The following ST18 variants were observed in gnomAD, a reference collection of about 807,000 sequenced individuals.
The protein encoded by ST18 is suppression of tumorigenicity 18 protein.
In ST18, 50 loss-of-function variants were observed where a neutral mutation model predicts 110.0. The ratio of observed to expected loss-of-function variants is 0.45; its 90% confidence interval spans 0.36 to 0.58. The LOEUF (loss-of-function observed/expected upper bound fraction) is 0.58, where lower values mean the gene tolerates loss of function less well. ST18 is among the 20% of genes least tolerant of loss of function. ST18 has a pLI of 0.00. For synonymous variants in ST18, 461 were observed against 452.4 expected, an observed-to-expected ratio of 1.02 and a Z score of -0.24; for missense variants, 1,306 against 1,280.1, an observed-to-expected ratio of 1.02 and a Z score of -0.31.
At chr8:52,155,371 TTA>T (rs1281188714) in intron 15 of ST18, among the ~76,000 whole-genome samples, 2 of 152,172 alleles carry the variant, frequency 1.3e-5, no homozygotes, top group Non-Finnish European at 2.9e-5. Flanking sequence ...TACAAATATG[TTA>T]TATATATGTT....
chr8:52,265,127 G>A (rs2094824665), intron 2 of ST18, among the ~76,000 whole-genome samples: 1 of 152,332 alleles, frequency 6.6e-6, no homozygotes, highest in Admixed American at 6.5e-5. Context: ...GATGATGTTT[G>A]TTACCTGAAA....
intron 15 of ST18, 132 bp from the exon 16 acceptor site, chr8:52,150,109 G>C (rs1322547596): frequency 7.9e-7 from 1 of 1,265,840 alleles, no homozygotes; most frequent in Non-Finnish European, 1.1e-6. Context: ...CTAGCTTTCT[G>C]ATTTGCGTTG....
chr8:52,178,669 CA>C (rs199826169), intron 9 of ST18, among the ~76,000 whole-genome samples: 5 of 48,016 alleles, frequency 1.0e-4, no homozygotes, highest in South Asian at 6.6e-4. Flanking sequence ...ATAAAACAAA[CA>C]AAAAAAACCC....
At chr8:52,180,075 C>T in intron 9 of ST18, 47 bp downstream of exon 9, 1 of 1,592,360 alleles carries the variant, frequency 6.3e-7, no homozygotes, top group Non-Finnish European at 8.6e-7. Context: ...AGCACAGAGT[C>T]CTTGGAGCCA....
chr8:52,251,935 G>A (rs1365806660), intron 2 of ST18, among the ~76,000 whole-genome samples: 1 of 151,948 alleles, frequency 6.6e-6, no homozygotes, highest in African/African-American at 2.4e-5. Context: ...AAACAATTAT[G>A]ATCTTTTGGA....
At chr8:52,160,234 A>G (rs1212972123) in intron 14 of ST18, among the ~76,000 whole-genome samples, 1 of 152,228 alleles carries the variant, frequency 6.6e-6, no homozygotes, top group Non-Finnish European at 1.5e-5. Context: ...GGATAGATAG[A>G]TATAAAACTG....
At chr8:52,291,879 A>C (rs894623711) in intron 2 of ST18, among the ~76,000 whole-genome samples, 8 of 151,994 alleles carry the variant, frequency 5.3e-5, no homozygotes, top group Non-Finnish European at 1.2e-4. Context: ...GGCTCAAGTG[A>C]TCCTCCCGCC....
intron 2 of ST18, among the ~76,000 whole-genome samples, chr8:52,321,165 C>T (rs1419223782): frequency 2.0e-5 from 3 of 152,090 alleles, no homozygotes; most frequent in African/African-American, 4.8e-5. Flanking sequence ...AAAATATAAA[C>T]ACCTGGACGG....
rs79865430 is a variant in ST18, at chr8:52,324,623, G to A, written c.-465+84705C>T. On this transcript the variant is annotated intron_variant, in intron 2 of 25. Coordinates refer to ENST00000689386, the MANE Select transcript of ST18 (RefSeq NM_001352837.2). The stretch of plus-strand genomic sequence containing the variant: ...CATTTCTGAGTGCTTACTCTATGCC[G>A]GGTAGCATACTATGTGCTTTACAGA... Among the ~76,000 whole-genome samples the A allele has an allele frequency of 2.9e-3, 444 of 152,250 alleles. 6 individuals carry two copies. Among genetic ancestry groups the A allele is most frequent in the Admixed American group, 0.019 (290 of 15,292 alleles).
At chr8:52,264,076 G>A (rs1304456373) in intron 2 of ST18, among the ~76,000 whole-genome samples, 1 of 151,920 alleles carries the variant, frequency 6.6e-6, no homozygotes, top group Non-Finnish European at 1.5e-5. Context: ...TGGGATTACA[G>A]GCGTGAGCCA....
At chr8:52,376,410 C>A (rs1393801943) in intron 2 of ST18, among the ~76,000 whole-genome samples, 7 of 152,174 alleles carry the variant, frequency 4.6e-5, no homozygotes, top group Non-Finnish European at 1.0e-4. Context: ...GGCTGCTCAG[C>A]TGATTCTCTG....
chr8:52,153,749 G>T (rs2059362498), intron 15 of ST18, among the ~76,000 whole-genome samples: 1 of 152,170 alleles, frequency 6.6e-6, no homozygotes, highest in Non-Finnish European at 1.5e-5. Flanking sequence ...AGTTAGACAG[G>T]CATGAGTTCA....
intron 2 of ST18, among the ~76,000 whole-genome samples, chr8:52,293,670 TTCTC>T (rs1237364523): frequency 2.0e-5 from 3 of 152,198 alleles, no homozygotes; most frequent in Non-Finnish European, 4.4e-5. Context: ...TGCTTTTATT[TTCTC>T]TCTTTTTTCT....
chr8:52,352,466 C>T (rs1483475030), intron 2 of ST18, among the ~76,000 whole-genome samples: 1 of 152,170 alleles, frequency 6.6e-6, no homozygotes, highest in Non-Finnish European at 1.5e-5. Context: ...AATCACAATC[C>T]TCATTTTCCC....
intron 23 of ST18, among the ~76,000 whole-genome samples, chr8:52,120,704 G>C (rs2044381351): frequency 6.6e-6 from 1 of 152,202 alleles, no homozygotes; most frequent in South Asian, 2.1e-4. Context: ...GTAGGTAGGA[G>C]AGCTGGGGTG....
At chr8:52,321,606 C>G (rs1026379951) in intron 2 of ST18, among the ~76,000 whole-genome samples, 4 of 152,140 alleles carry the variant, frequency 2.6e-5, no homozygotes, top group African/African-American at 9.7e-5. Context: ...AGCCCGTTGC[C>G]TCCTGGTAAG....
chr8:52,405,337 T>G (rs1844098119), intron 2 of ST18: 1 of 152,202 alleles, frequency 6.6e-6, no homozygotes. Context: ...TCCAGCTGGA[T>G]TTCAGCTTAA....
intron 2 of ST18, among the ~76,000 whole-genome samples, chr8:52,385,611 A>T (rs1836354183): frequency 6.6e-6 from 1 of 151,806 alleles, no homozygotes; most frequent in African/African-American, 2.4e-5. Context: ...AAAAAAAAAA[A>T]AAAGACATCA....
At chr8:52,319,150 A>G (rs1005089400) in intron 2 of ST18, among the ~76,000 whole-genome samples, 2 of 152,188 alleles carry the variant, frequency 1.3e-5, no homozygotes, top group African/African-American at 2.4e-5. Context: ...AACAAAAAAT[A>G]TTGGTGAAAG....
Sources: gnomAD v4.1 joint callset for allele counts (sites outside exome capture counted in the v4.1 genomes callset) on GRCh38, gnomAD v4.1.1 for gene constraint, MANE v1.5 for transcripts, NCBI Gene and HGNC (gene_info 2026-07-23, HGNC 2026-07-21) for gene names.